The following PRPH2 variants were observed in gnomAD, a reference collection of about 807,000 sequenced individuals.
PRPH2 encodes peripherin 2, also known as peripherin-2.
PRPH2 carries 17 observed loss-of-function variants against 31.3 expected under a neutral mutation model. The observed-to-expected ratio is 0.54, with a 90% confidence interval of 0.37 to 0.81. PRPH2 has a LOEUF of 0.81. Among genes scored for constraint, PRPH2 ranks in the 40% least tolerant of loss-of-function variants. The pLI is 0.00. For synonymous variants in PRPH2, 165 were observed against 184.4 expected (o/e 0.89, Z 0.85); for missense variants, 430 against 439.7 (o/e 0.98, Z 0.20).
At chr6:42,712,700 A>G (rs1325168711) in intron 1 of PRPH2, among the ~76,000 whole-genome samples, 8 of 149,804 alleles carry the variant, frequency 5.3e-5, no homozygotes, top group African/African-American at 2.0e-4. Context: ...TACAGGCATG[A>G]GCCACTGTGC....
intron 2 of PRPH2, among the ~76,000 whole-genome samples, chr6:42,703,443 T>C (rs1800083562): frequency 6.6e-6 from 1 of 152,198 alleles, no homozygotes; most frequent in Non-Finnish European, 1.5e-5. Context: ...CTGCACATGC[T>C]GTTCATGTTG....
rs943707037 is a variant in PRPH2, at chr6:42,706,339, A to G, written c.582-1728T>C. On this transcript the variant is annotated intron_variant, in intron 1 of 2. Transcript: ENST00000230381. Reference sequence around the variant, plus strand: ...AGAATGGCGTGAACCCAGGGGGCGGAGCTTGCAGTGAGCCGAGATCACGCC... The same window carrying G: ...AGAATGGCGTGAACCCAGGGGGCGGGGCTTGCAGTGAGCCGAGATCACGCC... Among the ~76,000 whole-genome samples the G allele has an allele frequency of 4.6e-5, 7 of 152,052 alleles. No individual in the cohort carries two copies. In the South Asian group the frequency reaches 1.5e-3, roughly 32 times the overall value.
chr6:42,710,671 A>G (rs1398398494), intron 1 of PRPH2, among the ~76,000 whole-genome samples: 1 of 152,186 alleles, frequency 6.6e-6, no homozygotes, highest in Non-Finnish European at 1.5e-5. Context: ...AGGGTTTGAA[A>G]GGGTCTTGAT....
intron 1 of PRPH2, 118 bp from the exon 2 acceptor site, chr6:42,704,729 T>C: frequency 6.7e-7 from 1 of 1,485,744 alleles, no homozygotes; most frequent in Non-Finnish European, 9.4e-7. Flanking sequence ...ACTTGGTATA[T>C]ATTTGCTGTG....
rs70990127 is a variant in PRPH2, at chr6:42,701,682, A to AT, written c.828+2682dup. 4.1e-3 allele frequency among the ~76,000 whole-genome samples: 325 copies of AT among 78,502 alleles called. 23 individuals are homozygous for AT. The highest frequency in any genetic ancestry group is 7.3e-3 in the African/African-American group (146 of 20,040). 51.5% of individuals were successfully genotyped at this position (78,502 alleles called of 152,430 possible). On this transcript the variant is annotated intron_variant, in intron 2 of 2. Transcript: ENST00000230381. ...TAGGCATGCGCCACCACGTCCAGCA[A>AT]TTTTTTTTTTTTTTTTTTTTTTTTT... is the stretch of plus-strand genomic sequence containing the variant.
chr6:42,703,145 G>C (rs148121706), intron 2 of PRPH2, among the ~76,000 whole-genome samples: 1 of 152,026 alleles, frequency 6.6e-6, no homozygotes, highest in South Asian at 2.1e-4. Flanking sequence ...AGTGAGCTAC[G>C]ATCATGCCCC....
chr6:42,719,744 T>C (rs1761861858), intron 1 of PRPH2, among the ~76,000 whole-genome samples: 1 of 151,744 alleles, frequency 6.6e-6, no homozygotes, highest in Non-Finnish European at 1.5e-5. Flanking sequence ...TAATTTTGTA[T>C]TTTTAGTAGA....
intron 1 of PRPH2, among the ~76,000 whole-genome samples, chr6:42,713,864 G>A (rs1285104729): frequency 7.4e-6 from 1 of 135,400 alleles, no homozygotes; most frequent in Non-Finnish European, 1.5e-5. Context: ...AGGTTGCAGT[G>A]AGCCAAGATC....
intron 1 of PRPH2, among the ~76,000 whole-genome samples, 168 bp from the exon 2 acceptor site, chr6:42,704,779 C>CA (rs1299812825): frequency 2.6e-5 from 4 of 152,226 alleles, no homozygotes; most frequent in African/African-American, 7.2e-5. Context: ...GCGCTGAAGA[C>CA]AAAAAAATGA....
At chr6:42,705,976 A>G (rs1800156747) in intron 1 of PRPH2, among the ~76,000 whole-genome samples, 1 of 151,602 alleles carries the variant, frequency 6.6e-6, no homozygotes, top group East Asian at 1.9e-4. Flanking sequence ...AAAAAAAGAA[A>G]AAGTTGCATG....
intron 1 of PRPH2, among the ~76,000 whole-genome samples, chr6:42,707,744 T>C (rs925983918): frequency 1.3e-5 from 2 of 152,200 alleles, no homozygotes; most frequent in African/African-American, 4.8e-5. Context: ...CTAGAAGGGC[T>C]GCATGAGGTG....
rs755356219 is a variant in PRPH2, at chr6:42,712,066, G to A, written c.582-7455C>T. 2.3e-4 allele frequency: 148 copies of A among 640,002 alleles called. 1 individual carries two copies. Among genetic ancestry groups the A allele is most frequent in the South Asian group, 4.9e-4 (7 of 14,390 alleles). 39.6% of individuals were successfully genotyped at this position (640,002 alleles called of 1,614,324 possible). On this transcript the variant is annotated intron_variant, in intron 1 of 2. Transcript: ENST00000230381. ...ACTGAGCCTGATCCAACCATACCTC[G>A]ACCCAGACTACTGGTTTATGAGGAA...
At chr6:42,711,374 G>A (rs1347647740) in intron 1 of PRPH2, among the ~76,000 whole-genome samples, 1 of 152,226 alleles carries the variant, frequency 6.6e-6, no homozygotes, top group African/African-American at 2.4e-5. Context: ...GTCACTGAGT[G>A]TGAGGTACTA....
chr6:42,708,488 G>A (rs943737149), intron 1 of PRPH2, among the ~76,000 whole-genome samples: 6 of 152,224 alleles, frequency 3.9e-5, no homozygotes, highest in African/African-American at 1.4e-4. Flanking sequence ...TTCAGCTCGG[G>A]CCTCCCGCTC....
At chr6:42,717,150 T>A (rs1482455477) in intron 1 of PRPH2, among the ~76,000 whole-genome samples, 1 of 149,846 alleles carries the variant, frequency 6.7e-6, no homozygotes, top group Non-Finnish European at 1.5e-5. Context: ...CGGTGGCTCA[T>A]GCCTGTAATC....
intron 2 of PRPH2, among the ~76,000 whole-genome samples, chr6:42,699,479 G>A (rs181460075): frequency 2.6e-5 from 4 of 152,236 alleles, no homozygotes; most frequent in Admixed American, 1.3e-4. Flanking sequence ...GTTCAAACCC[G>A]GGCACTTAGC....
At chr6:42,709,581 AC>A (rs1034793317) in intron 1 of PRPH2, among the ~76,000 whole-genome samples, 1 of 152,168 alleles carries the variant, frequency 6.6e-6, no homozygotes, top group African/African-American at 2.4e-5. Context: ...GTAATCCAAG[AC>A]CAAGTCAATA....
chr6:42,703,391 C>T (rs1317059799), intron 2 of PRPH2, among the ~76,000 whole-genome samples: 1 of 152,108 alleles, frequency 6.6e-6, no homozygotes, highest in African/African-American at 2.4e-5. Flanking sequence ...GGACCAGCAT[C>T]CCAAGAAGCA....
At chr6:42,713,598 T>C (rs1392932013) in intron 1 of PRPH2, among the ~76,000 whole-genome samples, 1 of 151,940 alleles carries the variant, frequency 6.6e-6, no homozygotes, top group African/African-American at 2.4e-5. Context: ...CCTTTCCCTG[T>C]CCTTCTTGGA....
Sources: allele counts gnomAD v4.1 joint callset (sites outside exome capture counted in the v4.1 genomes callset), GRCh38; gene constraint gnomAD v4.1.1; transcripts MANE v1.5; gene names NCBI Gene and HGNC (gene_info 2026-07-23, HGNC 2026-07-21).